PDE4D: variants seen among roughly 807,000 people sequenced by gnomAD.
PDE4D encodes phosphodiesterase 4D, also known as 3',5'-cyclic-AMP phosphodiesterase 4D.
PDE4D carries 24 observed loss-of-function variants against 87.4 expected under a neutral mutation model. That is an observed-to-expected ratio of 0.27 (90% CI 0.20 to 0.39). PDE4D has a LOEUF of 0.39. PDE4D is among the 10% of genes least tolerant of loss of function. PDE4D has a pLI of 1.00. For synonymous variants in PDE4D, 384 were observed against 383.2 expected (o/e 1.00, Z -0.02); for missense variants, 714 against 1,041.0 (o/e 0.69, Z 4.32).
chr5:60,204,153 A>G (rs146602737), intron 1 of PDE4D, among the ~76,000 whole-genome samples: 3 of 152,208 alleles, frequency 2.0e-5, no homozygotes, highest in South Asian at 2.1e-4. Context: ...ACCTCTCACT[A>G]TAGCCTGTGG....
At chr5:59,954,565 A>G (rs151306585) in intron 3 of PDE4D, among the ~76,000 whole-genome samples, 2 of 152,326 alleles carry the variant, frequency 1.3e-5, no homozygotes, top group African/African-American at 4.8e-5. Context: ...TGGCAGGTCT[A>G]AAGATACTTT....
At chr5:60,080,429 T>C (rs1213195826) in intron 2 of PDE4D, among the ~76,000 whole-genome samples, 2 of 152,012 alleles carry the variant, frequency 1.3e-5, no homozygotes, top group African/African-American at 4.8e-5. Flanking sequence ...AGAATAGGAG[T>C]GGTGAGAGAG....
intron 1 of PDE4D, among the ~76,000 whole-genome samples, chr5:59,390,641 C>CA (rs1424960402): frequency 6.6e-6 from 1 of 151,982 alleles, no homozygotes; most frequent in Non-Finnish European, 1.5e-5. Flanking sequence ...TGTAAATGTA[C>CA]AGCAAAGAGA....
rs770444216 is a variant in PDE4D at position 59,038,780 on chromosome 5, G to A, written c.921+79C>T. 107 of 1,277,900 alleles carry A rather than the reference G, an allele frequency of 8.4e-5. No homozygotes were observed. In the Middle Eastern group the frequency reaches 1.4e-3, roughly 17 times the overall value. 79.2% of individuals were successfully genotyped at this position (1,277,900 alleles called of 1,614,324 possible). A position where few individuals can be genotyped will look rare whatever the true frequency, so the allele number is the denominator to read the frequency against. On this transcript the variant is annotated intron_variant, in intron 6 of 14. Coordinates refer to ENST00000340635, the MANE Select transcript of PDE4D (RefSeq NM_001104631.2). ...TAAAAAACCTCTCAATTTATTTCCC[G>A]GGGCTATGGGTACCAGTGGCTCGCC... is the stretch of plus-strand genomic sequence containing the variant.
intron 1 of PDE4D, chr5:59,768,353 T>C: frequency 6.3e-7 from 1 of 1,598,278 alleles, no homozygotes; most frequent in Non-Finnish European, 8.5e-7. Flanking sequence ...GGAGAGAGCT[T>C]GGGAGAAACC....
At chr5:60,263,776 C>A (rs1238449256) in intron 1 of PDE4D, among the ~76,000 whole-genome samples, 1 of 152,092 alleles carries the variant, frequency 6.6e-6, no homozygotes, top group African/African-American at 2.4e-5. Context: ...GAAAAATAAA[C>A]ACCTATTATG....
chr5:59,804,001 C>T (rs573908565), intron 1 of PDE4D, among the ~76,000 whole-genome samples: 1 of 152,268 alleles, frequency 6.6e-6, no homozygotes, highest in Non-Finnish European at 1.5e-5. Flanking sequence ...CCATGTCCCA[C>T]TTTCTTTTTA....
chr5:59,405,162 G>T (rs1167702860), intron 1 of PDE4D, among the ~76,000 whole-genome samples: 1 of 152,094 alleles, frequency 6.6e-6, no homozygotes, highest in Non-Finnish European at 1.5e-5. Flanking sequence ...TCTGAAGATT[G>T]CTTTGGGTAC....
intron 1 of PDE4D, among the ~76,000 whole-genome samples, chr5:59,614,517 G>GT (rs1413863561): frequency 6.6e-6 from 1 of 152,164 alleles, no homozygotes; most frequent in Non-Finnish European, 1.5e-5. Context: ...GCTCAGAACT[G>GT]TAAGAGTCTA....
At chr5:59,545,349 TA>T (rs35151567) in intron 1 of PDE4D, among the ~76,000 whole-genome samples, 67 of 146,988 alleles carry the variant, frequency 4.6e-4, no homozygotes, top group South Asian at 1.3e-3. Flanking sequence ...ACCACTCACG[TA>T]AAAAAAAAAA....
chr5:59,251,212 A>G (rs1434434554), intron 1 of PDE4D, among the ~76,000 whole-genome samples: 2 of 152,212 alleles, frequency 1.3e-5, no homozygotes, highest in African/African-American at 4.8e-5. Context: ...CTGCACAGCC[A>G]AAGAAACTAT....
In PDE4D at chr5:58,971,380, A is replaced by C. The variant is rs1160181769; in HGVS notation, c.*3284T>G. ...ATTCATTCTCTCACCAAGAGTTTCCAAATATATCAACACCATCCCATCATG... is the reference window on the plus strand; with the variant it reads ...ATTCATTCTCTCACCAAGAGTTTCCCAATATATCAACACCATCCCATCATG... On this transcript the variant is annotated 3_prime_UTR_variant, in exon 15 of 15. Transcript: ENST00000340635. The C allele has an allele frequency of 6.6e-6, 1 of 152,644 alleles. No homozygotes were observed. Among genetic ancestry groups the C allele is most frequent in the Non-Finnish European group, 1.5e-5 (1 of 68,028 alleles). 9.5% of individuals were successfully genotyped at this position (152,644 alleles called of 1,614,324 possible). A position where few individuals can be genotyped will look rare whatever the true frequency, so the allele number is the denominator to read the frequency against.
chr5:59,135,964 G>A (rs2153453050), intron 5 of PDE4D, among the ~76,000 whole-genome samples: 1 of 111,912 alleles, frequency 8.9e-6, no homozygotes, highest in Admixed American at 9.5e-5. Context: ...AAAGATACAG[G>A]GTGTCCAGAA....
chr5:60,157,794 C>A (rs1013960461), intron 2 of PDE4D, among the ~76,000 whole-genome samples: 1 of 152,150 alleles, frequency 6.6e-6, no homozygotes, highest in Non-Finnish European at 1.5e-5. Flanking sequence ...GTTAGCTTTT[C>A]CCAATAAATA....
chr5:59,275,641 T>G, intron 1 of PDE4D: 1 of 1,227,550 alleles, frequency 8.1e-7, no homozygotes, highest in Non-Finnish European at 1.0e-6. Flanking sequence ...TGTTAGGAAG[T>G]GACAGTTTCT....
chr5:59,874,344 A>G (rs974338337), intron 1 of PDE4D, among the ~76,000 whole-genome samples: 2 of 152,250 alleles, frequency 1.3e-5, no homozygotes, highest in African/African-American at 4.8e-5. Context: ...AAATTTTATC[A>G]CATCAATTCC....
chr5:59,959,783 A>G (rs981333535), intron 3 of PDE4D, among the ~76,000 whole-genome samples: 2 of 152,146 alleles, frequency 1.3e-5, no homozygotes, highest in Non-Finnish European at 2.9e-5. Context: ...ACACTGGCCT[A>G]GGCAAAGATT....
chr5:60,417,489 G>C (rs1742709304), intron 1 of PDE4D, among the ~76,000 whole-genome samples: 1 of 152,162 alleles, frequency 6.6e-6, no homozygotes, highest in South Asian at 2.1e-4. Context: ...TAACACACTT[G>C]TTTCTCAGAG....
At chr5:59,714,650 A>G (rs1039645938) in intron 1 of PDE4D, among the ~76,000 whole-genome samples, 2 of 152,238 alleles carry the variant, frequency 1.3e-5, no homozygotes, top group African/African-American at 4.8e-5. Context: ...TGCATTTTCA[A>G]TTAACATTGC....
Sources: gnomAD v4.1 joint callset for allele counts (sites outside exome capture counted in the v4.1 genomes callset) on GRCh38, gnomAD v4.1.1 for gene constraint, MANE v1.5 for transcripts, NCBI Gene and HGNC (gene_info 2026-07-23, HGNC 2026-07-21) for gene names.